The following EPHB1 variants were observed in gnomAD, a reference collection of about 807,000 sequenced individuals.
EPHB1 encodes the protein ephrin type-B receptor 1.
EPHB1 carries 30 observed loss-of-function variants against 94.4 expected under a neutral mutation model. That is an observed-to-expected ratio of 0.32 (90% CI 0.24 to 0.43). The LOEUF is 0.43. EPHB1 is among the 20% of genes least tolerant of loss of function. The pLI is 1.00. For missense variants in EPHB1, 1,055 were observed against 1,308.3 expected (o/e 0.81, Z 2.99); for synonymous variants, 522 against 489.1 (o/e 1.07, Z -0.89).
chr3:135,114,055 A>G (rs1386871158), intron 4 of EPHB1, among the ~76,000 whole-genome samples: 1 of 152,210 alleles, frequency 6.6e-6, no homozygotes. Context: ...TGTGGCAGCC[A>G]CTAAACAGCC....
rs75771609 is a variant in EPHB1 at position 135,089,302 on chromosome 3, A to C, written c.806-17146A>C. On this transcript the variant is annotated intron_variant, in intron 3 of 15. Transcript: ENST00000398015. Reference sequence around the variant, plus strand: ...AAGCTACTGGACTTATTTGAGCCTTAGTTTTTTAATGTGCAAAATTGGAAT... The same window carrying C: ...AAGCTACTGGACTTATTTGAGCCTTCGTTTTTTAATGTGCAAAATTGGAAT... 4.3e-3 allele frequency among the ~76,000 whole-genome samples: 648 copies of C among 152,356 alleles called. 2 individuals carry two copies. Among genetic ancestry groups the C allele is most frequent in the Middle Eastern group, 0.024 (7 of 294 alleles).
At chr3:135,097,834 C>T (rs1312878606) in intron 3 of EPHB1, among the ~76,000 whole-genome samples, 1 of 152,194 alleles carries the variant, frequency 6.6e-6, no homozygotes, top group Non-Finnish European at 1.5e-5. Flanking sequence ...TGCGCTCCAG[C>T]CCTCCTCCCA....
chr3:135,125,760 C>T (rs1289475862), intron 4 of EPHB1, among the ~76,000 whole-genome samples: 3 of 152,192 alleles, frequency 2.0e-5, no homozygotes, highest in African/African-American at 7.2e-5. Flanking sequence ...CCAATCCATC[C>T]TGCTTTTAGC....
At chr3:135,038,810 C>T (rs1385763339) in intron 3 of EPHB1, among the ~76,000 whole-genome samples, 20 of 149,874 alleles carry the variant, frequency 1.3e-4, no homozygotes, top group East Asian at 1.2e-3. Flanking sequence ...TTGCAAAGAG[C>T]GAAAGAACAA....
At chr3:135,056,173 A>G (rs1001372900) in intron 3 of EPHB1, among the ~76,000 whole-genome samples, 2 of 152,220 alleles carry the variant, frequency 1.3e-5, no homozygotes, top group African/African-American at 4.8e-5. Flanking sequence ...CTTTCAGCAG[A>G]TCCAGAGCTT....
intron 1 of EPHB1, among the ~76,000 whole-genome samples, chr3:134,909,356 T>C (rs1269594420): frequency 6.6e-6 from 1 of 152,200 alleles, no homozygotes; most frequent in Non-Finnish European, 1.5e-5. Flanking sequence ...AAGTAGTAAG[T>C]GCCTCATCTT....
At chr3:135,250,729 G>T (rs1421501620) in intron 15 of EPHB1, among the ~76,000 whole-genome samples, 1 of 151,992 alleles carries the variant, frequency 6.6e-6, no homozygotes, top group East Asian at 1.9e-4. Context: ...ACACACACCG[G>T]GGGGACTTCA....
chr3:135,258,618 A>C (rs768097518), intron 15 of EPHB1, among the ~76,000 whole-genome samples: 2 of 152,176 alleles, frequency 1.3e-5, no homozygotes, highest in Admixed American at 6.5e-5. Flanking sequence ...TCAGTGGGTG[A>C]TCACTAATTT....
intron 1 of EPHB1, among the ~76,000 whole-genome samples, chr3:134,912,501 G>A (rs2038474604): frequency 6.6e-6 from 1 of 152,236 alleles, no homozygotes; most frequent in Non-Finnish European, 1.5e-5. Context: ...ACCCCGGCAT[G>A]CCTGTGTGGT....
At position 135,066,771 on chromosome 3, in the gene EPHB1, A is replaced by C. The variant is rs575573225; in HGVS notation, c.806-39677A>C. ...TTTTCTGGAGGTGTTAAAGGACCTT[A>C]TTTTGTCATATTACCAGAGTTGGTT... is the stretch of plus-strand genomic sequence containing the variant. On this transcript the variant is annotated intron_variant, in intron 3 of 15. Coordinates refer to ENST00000398015, the MANE Select transcript of EPHB1 (RefSeq NM_004441.5). 2.7e-4 allele frequency among the ~76,000 whole-genome samples: 41 copies of C among 151,726 alleles called. 1 individual carries two copies. Among genetic ancestry groups the C allele is most frequent in the Admixed American group, 2.5e-3 (38 of 15,238 alleles).
At chr3:135,113,090 G>A (rs1187073416) in intron 4 of EPHB1, among the ~76,000 whole-genome samples, 12 of 152,218 alleles carry the variant, frequency 7.9e-5, no homozygotes, top group Non-Finnish European at 1.6e-4. Context: ...TCCTTGAGGT[G>A]AACTTCAGAC....
intron 1 of EPHB1, among the ~76,000 whole-genome samples, chr3:134,859,773 G>C (rs887550822): frequency 6.6e-6 from 1 of 152,098 alleles, no homozygotes; most frequent in Non-Finnish European, 1.5e-5. Flanking sequence ...TCAGAAAATC[G>C]CTAAATTCAT....
In EPHB1 at chr3:135,205,589, AATGTATTTATTTTTCCCAC is replaced by A. The variant is rs1448605916; in HGVS notation, c.2346+3903_2346+3921del. On this transcript the variant is annotated intron_variant, in intron 12 of 15. Coordinates refer to ENST00000398015, the MANE Select transcript of EPHB1 (RefSeq NM_004441.5). ...ATATTTGAATATTTAGTACCTGTGA[AATGTATTTATTTTTCCCAC>A]ATTTTATTTTGAAAAATTTCAAGCA... 2.0e-5 allele frequency among the ~76,000 whole-genome samples: 3 copies of A among 152,264 alleles called. No individual in the cohort carries two copies. The East Asian group carries it at 5.8e-4, about 29-fold the overall frequency.
chr3:135,192,827 A>G lies in EPHB1; in HGVS notation c.2130+4A>G. The stretch of plus-strand genomic sequence containing the variant: ...TGCATTGGATTCTTTCCTCAGGGTA[A>G]GAGCAACTCAGGGGTTTGATGATGC... On this transcript the variant is annotated splice_donor_region_variant and intron_variant, in intron 11 of 15. Transcript: ENST00000398015. 6.2e-7 allele frequency: 1 copy of G among 1,612,322 alleles called. No homozygotes were observed. Among genetic ancestry groups the G allele is most frequent in the Non-Finnish European group, 8.5e-7 (1 of 1,178,482 alleles).
chr3:134,857,916 C>T (rs2037158018), intron 1 of EPHB1, among the ~76,000 whole-genome samples: 1 of 151,662 alleles, frequency 6.6e-6, no homozygotes, highest in South Asian at 2.1e-4. Flanking sequence ...ACATTGGCAT[C>T]TTGGTTTACA....
Position 134,958,287 on chromosome 3 carries a change from G to A in EPHB1, c.805+6235G>A, listed in dbSNP as rs36131. On this transcript the variant is annotated intron_variant, in intron 3 of 15. Coordinates refer to ENST00000398015, the MANE Select transcript of EPHB1 (RefSeq NM_004441.5). The stretch of plus-strand genomic sequence containing the variant: ...AAGTGGAAAAAATACATCTAATTTA[G>A]CTCTTCTTGGAAAAAGAGGTTTTCG... 6.6e-3 allele frequency among the ~76,000 whole-genome samples: 1,006 copies of A among 152,210 alleles called. 15 individuals are homozygous for A. Among genetic ancestry groups the A allele is most frequent in the African/African-American group, 0.023 (961 of 41,524 alleles).
intron 2 of EPHB1, among the ~76,000 whole-genome samples, chr3:134,943,209 T>A (rs2039154259): frequency 1.3e-5 from 2 of 152,194 alleles, no homozygotes; most frequent in Non-Finnish European, 2.9e-5. Context: ...CCAAGCCACA[T>A]CTGCCTTTCT....
chr3:134,800,437 C>G (rs1325237619), intron 1 of EPHB1, among the ~76,000 whole-genome samples: 1 of 152,120 alleles, frequency 6.6e-6, no homozygotes, highest in Non-Finnish European at 1.5e-5. Context: ...ATTTTGGAAG[C>G]CCAAAGAGGG....
intron 3 of EPHB1, among the ~76,000 whole-genome samples, chr3:135,101,737 A>G (rs1002845600): frequency 2.0e-5 from 3 of 152,222 alleles, no homozygotes; most frequent in African/African-American, 4.8e-5. Context: ...AAAGTATAGC[A>G]TAAGTGTGGT....
Sources: gnomAD v4.1 joint callset for allele counts (sites outside exome capture counted in the v4.1 genomes callset) on GRCh38, gnomAD v4.1.1 for gene constraint, MANE v1.5 for transcripts, NCBI Gene and HGNC (gene_info 2026-07-23, HGNC 2026-07-21) for gene names.